The following SLC12A7 variants were observed in gnomAD, a reference collection of about 807,000 sequenced individuals.
The protein encoded by SLC12A7 is K-Cl cotransporter 4.
Under a neutral mutation model 120.6 loss-of-function variants are expected in SLC12A7, and 100 were observed. That is an observed-to-expected ratio of 0.83 (90% confidence interval 0.71 to 0.98). SLC12A7 has a LOEUF of 0.98. SLC12A7 is among the 50% of genes least tolerant of loss of function. SLC12A7 has a pLI of 0.00. For synonymous variants in SLC12A7, 760 were observed against 678.0 expected (o/e 1.12, Z -1.88); for missense variants, 1,373 against 1,548.1 (o/e 0.89, Z 1.90).
Position 1,065,488 on chromosome 5 carries a change from A to G in SLC12A7, c.2242-10T>C. The G allele has an allele frequency of 6.4e-7, 1 of 1,563,634 alleles. No individual in the cohort carries two copies. The highest frequency in any genetic ancestry group is 8.7e-7 in the Non-Finnish European group (1 of 1,150,056). On this transcript the variant is annotated splice_polypyrimidine_tract_variant and intron_variant, in intron 17 of 23. Coordinates refer to ENST00000264930, the MANE Select transcript of SLC12A7 (RefSeq NM_006598.3). ...TTAGGGACCGTATGTTCTGCGGGAG[A>G]CAGGACAGGTTGGTGCTACAGCAGG...
At chr5:1,115,935 C>A (rs1367856382), upstream of SLC12A7, among the ~76,000 whole-genome samples, 1 of 145,494 alleles carries the variant, frequency 6.9e-6, no homozygotes, top group Non-Finnish European at 1.5e-5. Context: ...AAAAAACAAA[C>A]CTTTTTTTTT....
chr5:1,128,747 G>GTGCA, the SLC12A7 span, among the ~76,000 whole-genome samples: 3 of 152,240 alleles, frequency 2.0e-5, no homozygotes, highest in Admixed American at 6.5e-5. Context: ...GCGTGTGTGT[G>GTGCA]TGCATGCGTG....
intron 17 of SLC12A7, among the ~76,000 whole-genome samples, chr5:1,069,260 CT>C (rs1218485455): frequency 3.3e-5 from 5 of 152,346 alleles, no homozygotes; most frequent in South Asian, 4.1e-4. Flanking sequence ...CCATGGGATC[CT>C]GGCCCTAGGC....
intron 1 of SLC12A7, among the ~76,000 whole-genome samples, chr5:1,107,825 A>C (rs1374435314): frequency 6.6e-6 from 1 of 152,168 alleles, no homozygotes; most frequent in Admixed American, 6.5e-5. Flanking sequence ...CCACGAGGCA[A>C]AGGTCTCCTC....
At chr5:1,118,652 C>T in the SLC12A7 span, among the ~76,000 whole-genome samples, 64 of 152,294 alleles carry the variant, frequency 4.2e-4, no homozygotes, top group African/African-American at 1.5e-3. Flanking sequence ...CGAATGAGTC[C>T]AGGAGGAAGG....
chr5:1,139,076 G>GT, the SLC12A7 span, among the ~76,000 whole-genome samples: 1 of 147,362 alleles, frequency 6.8e-6, no homozygotes, highest in South Asian at 2.2e-4. Flanking sequence ...GTGGGGGGGG[G>GT]GCTCTGGGCG....
chr5:1,153,632 G>A, the SLC12A7 span, among the ~76,000 whole-genome samples: 6 of 152,174 alleles, frequency 3.9e-5, no homozygotes, highest in Non-Finnish European at 5.9e-5. Flanking sequence ...GCCACAAGCC[G>A]TGTTGTCAAA....
intron 1 of SLC12A7, among the ~76,000 whole-genome samples, chr5:1,104,113 G>A (rs781366897): frequency 3.3e-5 from 5 of 152,166 alleles, no homozygotes; most frequent in African/African-American, 1.2e-4. Flanking sequence ...GGCCTGGCCT[G>A]GCGCACTTCC....
rs41280365 is a variant in SLC12A7 at position 1,065,377 on chromosome 5, G to A, written c.2343C>T (p.Ala781=). Residue 781 remains alanine, a synonymous_variant, in exon 18 of 24, where the codon GCC becomes GCT. Transcript: ENST00000264930. ...TGTTGTGCTTCAGGCCGCCCAGGCC[G>A]GCCGACTGGATCAGGTGGGACATGC... ...RDGMSHLIQS[A]GLGGLKHNTV... 2.5e-5 allele frequency: 41 copies of A among 1,612,456 alleles called. No individual in the cohort carries two copies. The highest frequency in any genetic ancestry group is 1.8e-4 in the East Asian group (8 of 44,892).
At chr5:1,089,185 C>T (rs2150870021) in intron 3 of SLC12A7, 57 bp from the exon 4 acceptor site, 2 of 1,577,250 alleles carry the variant, frequency 1.3e-6, no homozygotes, top group Admixed American at 3.5e-5. Context: ...GAGGGAGCCC[C>T]CTCCCCAGGC....
intron 1 of SLC12A7, among the ~76,000 whole-genome samples, chr5:1,098,892 G>A (rs1309252923): frequency 6.6e-6 from 1 of 151,712 alleles, no homozygotes; most frequent in African/African-American, 2.4e-5. Flanking sequence ...TTTTCCTCTG[G>A]CCGAGCCCTG....
the SLC12A7 span, among the ~76,000 whole-genome samples, chr5:1,141,344 T>C: frequency 6.6e-6 from 1 of 152,242 alleles, no homozygotes; most frequent in Non-Finnish European, 1.5e-5. Flanking sequence ...CATTCTCAAG[T>C]GCTAGGCAGT....
chr5:1,125,179 T>TC, the SLC12A7 span, among the ~76,000 whole-genome samples: 1 of 151,396 alleles, frequency 6.6e-6, no homozygotes, highest in African/African-American at 2.4e-5. Flanking sequence ...TAATGGAAAA[T>TC]CCCCCGGGGC....
rs60281693 is a variant in SLC12A7 at position 1,057,623 on chromosome 5, G to T, written c.2874C>A (p.Thr958=). 1.2e-6 allele frequency: 2 copies of T among 1,603,204 alleles called. No homozygotes were observed. Among genetic ancestry groups the T allele is most frequent in the Non-Finnish European group, 1.7e-6 (2 of 1,179,588 alleles). The change falls in exon 22 of 24, where the codon ACC becomes ACA. Residue 958 remains threonine, a synonymous_variant. Transcript: ENST00000264930. ...REAQLIHDRN[T]ASHTAAAART... ...TGGCTGCCGCCGCGGTGTGGGACGC[G>T]GTGTTCCTGTCGTGGATCAGCTGGG...
At chr5:1,125,753 C>T in the SLC12A7 span, among the ~76,000 whole-genome samples, 1 of 151,958 alleles carries the variant, frequency 6.6e-6, no homozygotes, top group East Asian at 1.9e-4. Flanking sequence ...GGTGAAACCC[C>T]ATCTCTACTA....
chr5:1,130,457 C>A, the SLC12A7 span, among the ~76,000 whole-genome samples: 1 of 134,212 alleles, frequency 7.5e-6, no homozygotes. Flanking sequence ...CCCGCCCCCA[C>A]CCCACCCCAG....
intron 21 of SLC12A7, among the ~76,000 whole-genome samples, chr5:1,058,917 C>T (rs1478101936): frequency 1.3e-5 from 2 of 152,238 alleles, no homozygotes; most frequent in Admixed American, 1.3e-4. Context: ...GTGACACCTC[C>T]AACCCCCACC....
intron 22 of SLC12A7, 48 bp from the exon 23 acceptor site, chr5:1,053,530 C>A (rs562565369): frequency 5.9e-5 from 95 of 1,598,894 alleles, no homozygotes; most frequent in Non-Finnish European, 1.4e-5. Flanking sequence ...GCACCCCACG[C>A]TCCGGACACG....
the SLC12A7 span, among the ~76,000 whole-genome samples, chr5:1,155,120 G>C: frequency 1.0e-5 from 1 of 95,372 alleles, no homozygotes; most frequent in Non-Finnish European, 2.1e-5. Flanking sequence ...GCCCACCTCA[G>C]GCTTCGGGAC....
Sources: allele counts gnomAD v4.1 joint callset (sites outside exome capture counted in the v4.1 genomes callset), GRCh38; gene constraint gnomAD v4.1.1; transcripts MANE v1.5; gene names NCBI Gene and HGNC (gene_info 2026-07-23, HGNC 2026-07-21).